ARHGAP25: variants seen among roughly 807,000 people sequenced by gnomAD.
ARHGAP25 encodes rho GTPase-activating protein 25.
Under a neutral mutation model 71.0 loss-of-function variants are expected in ARHGAP25, and 34 were observed. The observed-to-expected ratio is 0.48, with a 90% CI of 0.36 to 0.64. The LOEUF (loss-of-function observed/expected upper bound fraction) is 0.64. Among genes scored for constraint, ARHGAP25 ranks in the 30% least tolerant of loss-of-function variants. The pLI is 0.00. For missense variants in ARHGAP25, 706 were observed against 805.1 expected (o/e 0.88, Z 1.49); for synonymous variants, 282 against 296.5 (o/e 0.95, Z 0.50).
chr2:68,825,147 G>C (rs1682020960), intron 10 of ARHGAP25, among the ~76,000 whole-genome samples: 1 of 152,170 alleles, frequency 6.6e-6, no homozygotes, highest in African/African-American at 2.4e-5. Flanking sequence ...CAGAAGTGAG[G>C]GTGAGACTGC....
intron 2 of ARHGAP25, among the ~76,000 whole-genome samples, chr2:68,723,967 G>A (rs982158390): frequency 8.6e-5 from 13 of 151,988 alleles, no homozygotes; most frequent in African/African-American, 2.2e-4. Context: ...CTGGACCTTC[G>A]GGCTCAAGTG....
intron 7 of ARHGAP25, among the ~76,000 whole-genome samples, chr2:68,817,395 G>GT (rs1681313109): frequency 6.6e-6 from 1 of 152,190 alleles, no homozygotes; most frequent in Non-Finnish European, 1.5e-5. Context: ...AACCTGCTGA[G>GT]AATTAGCAAT....
intron 10 of ARHGAP25, among the ~76,000 whole-genome samples, chr2:68,823,730 A>G (rs921967354): frequency 6.6e-6 from 1 of 152,226 alleles, no homozygotes; most frequent in Non-Finnish European, 1.5e-5. Flanking sequence ...TTTATGCTTC[A>G]TTGGCTCACT....
chr2:68,719,844 G>A (rs1460244943), intron 2 of ARHGAP25, among the ~76,000 whole-genome samples: 2 of 152,138 alleles, frequency 1.3e-5, no homozygotes, highest in Admixed American at 1.3e-4. Context: ...TTGGTACCCA[G>A]ACCCCCATGG....
intron 4 of ARHGAP25, among the ~76,000 whole-genome samples, chr2:68,791,003 C>A (rs1679136502): frequency 6.6e-6 from 1 of 152,206 alleles, no homozygotes; most frequent in South Asian, 2.1e-4. Context: ...TGCCTCCAGG[C>A]CCTTGCACTT....
At chr2:68,758,821 A>G (rs1271891205) in intron 1 of ARHGAP25, among the ~76,000 whole-genome samples, 4 of 151,958 alleles carry the variant, frequency 2.6e-5, no homozygotes, top group African/African-American at 4.8e-5. Context: ...TCAAGTGCAC[A>G]TGGATATTTT....
chr2:68,728,785 A>G (rs971583979), intron 2 of ARHGAP25, among the ~76,000 whole-genome samples: 9 of 152,176 alleles, frequency 5.9e-5, no homozygotes, highest in Non-Finnish European at 1.3e-4. Flanking sequence ...AAATTTAAAA[A>G]ACTTGTGCAC....
chr2:68,824,889 A>T (rs199509021), intron 10 of ARHGAP25, among the ~76,000 whole-genome samples: 1 of 152,248 alleles, frequency 6.6e-6, no homozygotes, highest in East Asian at 1.9e-4. Flanking sequence ...TTTTGGGCTC[A>T]CATGGGAGCT....
rs767004555 is a variant in ARHGAP25 at position 68,818,039 on chromosome 2, A to G, written c.1003+45A>G. 9 of 1,608,942 alleles carry G rather than the reference A, an allele frequency of 5.6e-6. No homozygotes were observed. The East Asian group carries it at 1.1e-4, about 20-fold the overall frequency. On this transcript the variant is annotated intron_variant, in intron 8 of 10. Transcript: ENST00000409202. ...GAAAGCAGGTACCCAGGAAATAACA[A>G]TTACAACATTCCCCCTGATATTTGT...
chr2:68,733,575 T>C (rs1675082751), upstream of ARHGAP25, among the ~76,000 whole-genome samples: 1 of 152,110 alleles, frequency 6.6e-6, no homozygotes, highest in Admixed American at 6.6e-5. Context: ...GCAATAGGGA[T>C]GGGAGAGTGT....
intron 4 of ARHGAP25, among the ~76,000 whole-genome samples, chr2:68,792,283 TG>T (rs1192776855): frequency 6.6e-6 from 1 of 152,214 alleles, no homozygotes; most frequent in East Asian, 1.9e-4. Flanking sequence ...TATAAATTTA[TG>T]GAGTACAGGT....
At chr2:68,793,814 G>A (rs1429030822) in intron 4 of ARHGAP25, among the ~76,000 whole-genome samples, 6 of 151,992 alleles carry the variant, frequency 3.9e-5, no homozygotes. Context: ...GTGAAGAAAT[G>A]ACGTTGGTAT....
intron 1 of ARHGAP25, among the ~76,000 whole-genome samples, chr2:68,736,221 G>A (rs575840841): frequency 6.6e-6 from 1 of 152,294 alleles, no homozygotes; most frequent in Admixed American, 6.5e-5. Context: ...GTCACAAGCG[G>A]AGCATTAATG....
chr2:68,807,051 G>A (rs1306498241), intron 4 of ARHGAP25, among the ~76,000 whole-genome samples: 1 of 152,196 alleles, frequency 6.6e-6, no homozygotes, highest in African/African-American at 2.4e-5. Context: ...TTTTAAATAT[G>A]TAAGAAATGT....
chr2:68,817,759 C>A, intron 7 of ARHGAP25, 114 bp from the exon 8 acceptor site: 1 of 1,334,260 alleles, frequency 7.5e-7, no homozygotes, highest in Non-Finnish European at 1.0e-6. Flanking sequence ...TGGTCTCATT[C>A]CTGAGTCTGG....
chr2:68,754,421 A>G (rs1676360681), intron 1 of ARHGAP25, among the ~76,000 whole-genome samples: 1 of 152,220 alleles, frequency 6.6e-6, no homozygotes, highest in Non-Finnish European at 1.5e-5. Context: ...TATGACTTGT[A>G]TAGATAGTTT....
At chr2:68,742,213 T>A (rs1675557143) in intron 1 of ARHGAP25, among the ~76,000 whole-genome samples, 1 of 152,230 alleles carries the variant, frequency 6.6e-6, no homozygotes, top group Admixed American at 6.5e-5. Flanking sequence ...CTATGGTGGC[T>A]GAACCATTTG....
At chr2:68,743,229 A>G (rs1675611684) in intron 1 of ARHGAP25, among the ~76,000 whole-genome samples, 1 of 152,156 alleles carries the variant, frequency 6.6e-6, no homozygotes, top group Admixed American at 6.5e-5. Context: ...GCTGCCCACC[A>G]TCTCCTACTG....
chr2:68,754,108 T>C (rs1285352432), intron 1 of ARHGAP25, among the ~76,000 whole-genome samples: 1 of 152,134 alleles, frequency 6.6e-6, no homozygotes, highest in Non-Finnish European at 1.5e-5. Flanking sequence ...TTTCACCATG[T>C]TAGCCTGGAT....
Sources: gnomAD v4.1 joint callset for allele counts (sites outside exome capture counted in the v4.1 genomes callset) on GRCh38, gnomAD v4.1.1 for gene constraint, MANE v1.5 for transcripts, NCBI Gene and HGNC (gene_info 2026-07-23, HGNC 2026-07-21) for gene names.